ATP5F1D: variants seen among roughly 807,000 people sequenced by gnomAD.
ATP5F1D encodes the protein ATP synthase F1 subunit delta, also known as ATP synthase F(1) complex subunit delta, mitochondrial.
A neutral mutation model predicts 13.0 loss-of-function variants in ATP5F1D; 16 were observed. That is an observed-to-expected ratio of 1.23 (90% CI 0.83 to 1.87). The LOEUF (loss-of-function observed/expected upper bound fraction) is 1.87. Ranked by LOEUF, ATP5F1D falls within the 40% of genes most tolerant of loss-of-function variation. ATP5F1D has a pLI of 0.00. For synonymous variants in ATP5F1D, 129 were observed against 116.2 expected (o/e 1.11, Z -0.71); for missense variants, 294 against 246.2 (o/e 1.19, Z -1.30).
Position 1,244,607 on chromosome 19 carries a change from A to G in ATP5F1D, c.*170A>G. ...GGCCCCAGGCCCTGCCTGTGTTGAA[A>G]GCTCTGGGGACTGGGCCAGGGAAGC... is the stretch of plus-strand genomic sequence containing the variant. On this transcript the variant is annotated 3_prime_UTR_variant, in exon 4 of 4. Coordinates refer to ENST00000215375, the MANE Select transcript of ATP5F1D (RefSeq NM_001687.5). The G allele has an allele frequency of 9.1e-7, 1 of 1,100,822 alleles. No homozygotes were observed. The highest frequency in any genetic ancestry group is 2.6e-5 in the East Asian group (1 of 37,992). The allele number at this position is 1,100,822 out of a possible 1,614,324, so 68.2% of individuals were successfully genotyped here.
chr19:1,241,976 C>G lies in ATP5F1D; in HGVS notation c.126C>G (p.Phe42Leu), dbSNP rs758610755. 6.8e-7 allele frequency: 1 copy of G among 1,472,488 alleles called. No homozygotes were observed. The highest frequency in any genetic ancestry group is 2.7e-5 in the East Asian group (1 of 36,688). 91.2% of individuals were successfully genotyped at this position (1,472,488 alleles called of 1,614,324 possible). A position where few individuals can be genotyped will look rare whatever the true frequency, so the allele number is the denominator to read the frequency against. Residue 42 changes from phenylalanine to leucine, a missense_variant, in exon 1 of 4, where the codon TTC becomes TTG. By Grantham distance (22) the Phe-to-Leu change is conservative (BLOSUM62 0). Transcript: ENST00000215375. ...ASGPNQMSFTFASPTQVFFNG... is the reference protein window; with the variant it reads ...ASGPNQMSFTLASPTQVFFNG... ...GCCCCAACCAGATGTCCTTCACCTT[C>G]GCCTCTCCCACGCAGGTTCGGGCGC...
In ATP5F1D at chr19:1,244,097, T is replaced by C. The variant is rs767117506; in HGVS notation, c.296T>C (p.Val99Ala). 7.5e-6 allele frequency: 12 copies of C among 1,608,626 alleles called. No individual in the cohort carries two copies. Among genetic ancestry groups the C allele is most frequent in the Non-Finnish European group, 1.0e-5 (12 of 1,177,492 alleles). The change falls in exon 3 of 4, where the codon GTG (valine) becomes GCG (alanine). Residue 99 changes from valine (V) to alanine (A), a missense_variant and splice_region_variant. Val to Ala is a moderately conservative substitution (Grantham distance 64). Coordinates refer to ENST00000215375, the MANE Select transcript of ATP5F1D (RefSeq NM_001687.5). ...CCTTCCCCCCGCCCCATTCCCCCAG[T>C]GAGCAGCGGTTCCATCGCAGTGAAC... Reference protein sequence around the residue: ...AEDGTTSKYFVSSGSIAVNAD... With the variant: ...AEDGTTSKYFASSGSIAVNAD...
Position 1,241,805 on chromosome 19 carries a change from A to G in ATP5F1D, c.-46A>G. Reference sequence around the variant, plus strand: ...CTCCAGGCCGCCCGCGCCGCGCCGGAGTCCGCTGTCCGCCAGCTACCCGCT... The same window carrying G: ...CTCCAGGCCGCCCGCGCCGCGCCGGGGTCCGCTGTCCGCCAGCTACCCGCT... On this transcript the variant is annotated 5_prime_UTR_variant, in exon 1 of 4. Coordinates refer to ENST00000215375, the MANE Select transcript of ATP5F1D (RefSeq NM_001687.5). The G allele has an allele frequency of 2.3e-6, 3 of 1,288,906 alleles. No homozygotes were observed. The highest frequency in any genetic ancestry group is 4.6e-5 in the South Asian group (2 of 43,098). 79.8% of individuals were successfully genotyped at this position (1,288,906 alleles called of 1,614,324 possible).
intron 2 of ATP5F1D, 78 bp from the exon 3 acceptor site, chr19:1,244,019 C>T: frequency 7.0e-7 from 1 of 1,427,282 alleles, no homozygotes; most frequent in African/African-American, 1.4e-5. Flanking sequence ...ACAGGGGGCT[C>T]TGGACTTGAC....
intron 2 of ATP5F1D, 185 bp from the exon 3 acceptor site, chr19:1,243,912 T>C (rs1427357533): frequency 1.6e-6 from 1 of 622,292 alleles, no homozygotes; most frequent in Non-Finnish European, 2.8e-6. Context: ...TTTGTTCTTC[T>C]CTAGCAGTTG....
Position 1,242,608 on chromosome 19 carries a change from T to C in ATP5F1D, c.294T>C (p.Phe98=), listed in dbSNP as rs1033922041. 2.0e-6 allele frequency: 3 copies of C among 1,514,414 alleles called. No homozygotes were observed. The highest frequency in any genetic ancestry group is 1.4e-5 in the African/African-American group (1 of 71,940). The allele number at this position is 1,514,414 out of a possible 1,614,324, so 93.8% of individuals were successfully genotyped here. A position where few individuals can be genotyped will look rare whatever the true frequency, so the allele number is the denominator to read the frequency against. ...AGGACGGCACCACCTCCAAATACTT[T>C]GGTGAGTCCGGTGGAGGGCTGCAGG... The part of the protein sequence containing the change: ...HAEDGTTSKY[F]VSSGSIAVNA... Residue 98 remains phenylalanine (F), a splice_region_variant and synonymous_variant, in exon 2 of 4, where the codon TTT becomes TTC. Transcript: ENST00000215375.
In ATP5F1D at chr19:1,244,140, G is replaced by C; in HGVS notation, c.339G>C (p.Gln113His). 6.2e-7 allele frequency: 1 copy of C among 1,612,506 alleles called. No individual in the cohort carries two copies. Among genetic ancestry groups the C allele is most frequent in the Non-Finnish European group, 8.5e-7 (1 of 1,179,456 alleles). ...CAGTGAACGCCGACTCTTCGGTGCA[G>C]TTGTTGGCCGAAGAGGCCGTGACGC... ...SIAVNADSSV[Q>H]LLAEEAVTLD... The change falls in exon 3 of 4, where the codon CAG becomes CAC. Residue 113 changes from glutamine (Q) to histidine (H), a missense_variant. Transcript: ENST00000215375.
intron 2 of ATP5F1D, 68 bp from the exon 3 acceptor site, chr19:1,244,029 C>T (rs2145473772): frequency 6.7e-7 from 1 of 1,484,706 alleles, no homozygotes; most frequent in Admixed American, 1.9e-5. Context: ...CTGGACTTGA[C>T]CAGGGGAGTC....
chr19:1,244,821 CCTGA>C (rs1281124375), exon 4 of ATP5F1D: 2 of 243,474 alleles, frequency 8.2e-6, no homozygotes, highest in African/African-American at 2.3e-5. Flanking sequence ...GACCCGGAAG[CCTGA>C]CTGTGTGCTC....
rs1428625778 is a variant in ATP5F1D, at chr19:1,244,347, G to A, written c.417G>A (p.Ala139=). The A allele has an allele frequency of 8.2e-6, 13 of 1,590,642 alleles. 1 individual carries two copies. The Admixed American group carries it at 8.9e-5, about 11-fold the overall frequency. ...AGGCAAACTTGGAGAAGGCCCAGGCGGAGCTGGTGGGGACAGCTGACGAGG... is the reference window on the plus strand; with the variant it reads ...AGGCAAACTTGGAGAAGGCCCAGGCAGAGCTGGTGGGGACAGCTGACGAGG... The part of the protein sequence containing the change: ...AAKANLEKAQ[A]ELVGTADEAT... The change falls in exon 4 of 4, where the codon GCG becomes GCA. Residue 139 remains alanine (A), a synonymous_variant. Coordinates refer to ENST00000215375, the MANE Select transcript of ATP5F1D (RefSeq NM_001687.5).
At chr19:1,242,337 C>G in intron 1 of ATP5F1D, 119 bp from the exon 2 acceptor site, 1 of 1,242,706 alleles carries the variant, frequency 8.0e-7, no homozygotes, top group Non-Finnish European at 1.1e-6. Context: ...TGGGTTGTCT[C>G]AGTGCCTCAC....
In ATP5F1D at chr19:1,242,796, G is replaced by A. The variant is rs538395004; in HGVS notation, c.295+187G>A. 12 of 635,962 alleles carry A rather than the reference G, an allele frequency of 1.9e-5. No homozygotes were observed. In the South Asian group the frequency reaches 4.5e-4, roughly 24 times the overall value. The allele number at this position is 635,962 out of a possible 1,614,324, so 39.4% of individuals were successfully genotyped here. On this transcript the variant is annotated intron_variant, in intron 2 of 3. Coordinates refer to ENST00000215375, the MANE Select transcript of ATP5F1D (RefSeq NM_001687.5). ...CCTGAGGTCAGAAGTTCGGAGACCA[G>A]CCTGGCCAACATGATGTAACCCCGT...
chr19:1,241,857 C>G lies in ATP5F1D; in HGVS notation c.7C>G (p.Pro3Ala). The G allele has an allele frequency of 1.5e-6, 2 of 1,370,068 alleles. No individual in the cohort carries two copies. The highest frequency in any genetic ancestry group is 1.7e-5 in the South Asian group (1 of 59,052). 84.9% of individuals were successfully genotyped at this position (1,370,068 alleles called of 1,614,324 possible). A position where few individuals can be genotyped will look rare whatever the true frequency, so the allele number is the denominator to read the frequency against. The change falls in exon 1 of 4, where the codon CCC (proline) becomes GCC (alanine). Residue 3 changes from proline to alanine, a missense_variant. By Grantham distance (27) the Pro-to-Ala change is conservative (BLOSUM62 -1). Transcript: ENST00000215375. The part of the protein sequence containing the change: ML[P>A]AALLRRPGLG... ...CCTGCCGCCCGCCGCTGCCATGCTG[C>G]CCGCCGCGCTGCTCCGCCGCCCGGG...
At chr19:1,242,371 C>T in intron 1 of ATP5F1D, 85 bp from the exon 2 acceptor site, 1 of 1,405,510 alleles carries the variant, frequency 7.1e-7, no homozygotes, top group African/African-American at 1.5e-5. Flanking sequence ...CCTGCCCTGA[C>T]CCATTACTTA....
rs2081038251 is a variant in ATP5F1D, at chr19:1,241,814, T to C, written c.-37T>C. ...GCCCGCGCCGCGCCGGAGTCCGCTG[T>C]CCGCCAGCTACCCGCTTCCTGCCGC... On this transcript the variant is annotated 5_prime_UTR_variant, in exon 1 of 4. Coordinates refer to ENST00000215375, the MANE Select transcript of ATP5F1D (RefSeq NM_001687.5). The C allele has an allele frequency of 6.1e-6, 8 of 1,304,288 alleles. No individual in the cohort carries two copies. Among genetic ancestry groups the C allele is most frequent in the Middle Eastern group, 2.9e-4 (1 of 3,490 alleles). The allele number at this position is 1,304,288 out of a possible 1,614,324, so 80.8% of individuals were successfully genotyped here.
In ATP5F1D at chr19:1,244,193, T is replaced by C. The variant is rs773721236; in HGVS notation, c.384+8T>C. 2.5e-6 allele frequency: 4 copies of C among 1,609,302 alleles called. No individual in the cohort carries two copies. Among genetic ancestry groups the C allele is most frequent in the Non-Finnish European group, 3.4e-6 (4 of 1,177,832 alleles). On this transcript the variant is annotated splice_region_variant and intron_variant, in intron 3 of 3. Coordinates refer to ENST00000215375, the MANE Select transcript of ATP5F1D (RefSeq NM_001687.5). ...GACATGTTGGACCTGGGGGTGAGTG[T>C]CAGAGGGGACCTGAGGCTCAGCAGG...
intron 1 of ATP5F1D, 28 bp downstream of exon 1, chr19:1,242,019 C>A (rs745400508): frequency 2.2e-6 from 3 of 1,377,490 alleles, no homozygotes; most frequent in South Asian, 3.5e-5. Flanking sequence ...CGGGACCCTC[C>A]GTGGCCGCCG....
chr19:1,244,146 G>A lies in ATP5F1D; in HGVS notation c.345G>A (p.Leu115=), dbSNP rs2081050973. Residue 115 remains leucine, a synonymous_variant, in exon 3 of 4, where the codon TTG becomes TTA. Transcript: ENST00000215375. ...AVNADSSVQL[L]AEEAVTLDML... ...ACGCCGACTCTTCGGTGCAGTTGTT[G>A]GCCGAAGAGGCCGTGACGCTGGACA... 5.0e-6 allele frequency: 8 copies of A among 1,612,414 alleles called. No individual in the cohort carries two copies. The highest frequency in any genetic ancestry group is 5.9e-6 in the Non-Finnish European group (7 of 1,179,420).
intron 2 of ATP5F1D, 100 bp from the exon 3 acceptor site, chr19:1,243,997 A>C: frequency 8.4e-7 from 1 of 1,195,152 alleles, no homozygotes; most frequent in Non-Finnish European, 1.2e-6. Flanking sequence ...ATGTTTGTGG[A>C]GCTCCTGGTT....
Sources: allele counts gnomAD v4.1 joint callset, GRCh38; gene constraint gnomAD v4.1.1; transcripts MANE v1.5; gene names NCBI Gene and HGNC (gene_info 2026-07-23, HGNC 2026-07-21).